Variants in ATP2A1 observed in about 807,000 individuals in gnomAD.
The protein encoded by ATP2A1 is ATPase sarcoplasmic/endoplasmic reticulum Ca2+ transporting 1.
A neutral mutation model predicts 109.5 loss-of-function variants in ATP2A1; 83 were observed. The ratio of observed to expected loss-of-function variants is 0.76; its 90% confidence interval spans 0.63 to 0.91. The LOEUF is 0.91. Ranked by LOEUF, ATP2A1 falls within the 40% of genes least tolerant of loss-of-function variation. The pLI, the probability that ATP2A1 is intolerant of heterozygous loss-of-function variation, is 0.00. For synonymous variants in ATP2A1, 505 were observed against 537.6 expected, an observed-to-expected ratio of 0.94 and a Z score of 0.84; for missense variants, 1,101 against 1,341.0, an observed-to-expected ratio of 0.82 and a Z score of 2.80.
chr16:28,902,209 C>T lies in ATP2A1; in HGVS notation c.2347C>T (p.Leu783=). The T allele has an allele frequency of 2.5e-6, 4 of 1,614,156 alleles. No homozygotes were observed. The highest frequency in any genetic ancestry group is 3.4e-6 in the Non-Finnish European group (4 of 1,180,018). Residue 783 remains leucine (L), a synonymous_variant, in exon 17 of 23, where the codon CTG becomes TTG. Transcript: ENST00000395503. This position sits in a 1 kb window ranked among gnomAD's most constrained non-coding sequence, Gnocchi z 4.8. Reference sequence around the variant, plus strand: ...TATCTTCCTGACCGCTGCCCTGGGGCTGCCTGAGGCCCTGATCCCGGTGCA... The same window carrying T: ...TATCTTCCTGACCGCTGCCCTGGGGTTGCCTGAGGCCCTGATCCCGGTGCA... The part of the protein sequence containing the change: ...VCIFLTAALG[L]PEALIPVQLL...
intron 2 of ATP2A1, 57 bp downstream of exon 2, chr16:28,879,173 C>T (rs1216004456): frequency 2.6e-6 from 4 of 1,555,912 alleles, no homozygotes; most frequent in Non-Finnish European, 3.5e-6. Context: ...CCCGCCCTGT[C>T]CCACTCCCTC....
chr16:28,901,764 C>T (rs909501296), intron 15 of ATP2A1, 99 bp from the exon 16 acceptor site: 1 of 1,103,812 alleles, frequency 9.1e-7, no homozygotes, highest in Non-Finnish European at 1.3e-6. Context: ...CAAGACCAGC[C>T]TGGGCAACAG....
chr16:28,890,292 CAAA>C (rs767608802), intron 9 of ATP2A1, among the ~76,000 whole-genome samples: 4 of 74,380 alleles, frequency 5.4e-5, no homozygotes, highest in Non-Finnish European at 5.6e-5. Flanking sequence ...CCGTCTCTAC[CAAA>C]AAAAAAAAAA....
rs566533506 is a variant in ATP2A1 at position 28,881,942 on chromosome 16, A to G, written c.325-509A>G. ...TCTGATTTTCTTTGATTTTTTATTT[A>G]GATTTTTCTTTTTGAGACAGGGTCT... On this transcript the variant is annotated intron_variant, in intron 4 of 22. Transcript: ENST00000395503. Among the ~76,000 whole-genome samples, 32 of 151,720 alleles carry G rather than the reference A, an allele frequency of 2.1e-4. No homozygotes were observed. The East Asian group carries it at 6.2e-3, about 30-fold the overall frequency.
chr16:28,891,547 G>C lies in ATP2A1; in HGVS notation c.1095+2594G>C, dbSNP rs1457737937. On this transcript the variant is annotated intron_variant, in intron 9 of 22. Transcript: ENST00000395503. ...GGCAGAGGCGGTGAGCTGAGATCGTGCCATTGCACTCCAGCCTGGGCGACA... is the reference window on the plus strand; with the variant it reads ...GGCAGAGGCGGTGAGCTGAGATCGTCCCATTGCACTCCAGCCTGGGCGACA... Among the ~76,000 whole-genome samples, 3 of 141,758 alleles carry C rather than the reference G, an allele frequency of 2.1e-5. No homozygotes were observed. The East Asian group carries it at 6.2e-4, about 29-fold the overall frequency. 93.0% of individuals were successfully genotyped at this position (141,758 alleles called of 152,430 possible).
chr16:28,881,809 A>C (rs997073692), intron 4 of ATP2A1, among the ~76,000 whole-genome samples: 1 of 151,772 alleles, frequency 6.6e-6, no homozygotes, highest in Non-Finnish European at 1.5e-5. Flanking sequence ...CTCAAAAAAA[A>C]AAAAAAGAGA....
chr16:28,904,094 G>T (rs1964176573), intron 22 of ATP2A1, 86 bp from the exon 23 acceptor site: 2 of 1,264,470 alleles, frequency 1.6e-6, no homozygotes, highest in Non-Finnish European at 2.3e-6. Context: ...TGAGCCTCCA[G>T]GTAAGTGCGT....
intron 14 of ATP2A1, 126 bp from the exon 15 acceptor site, chr16:28,900,455 T>A: frequency 2.1e-6 from 2 of 930,468 alleles, no homozygotes; most frequent in South Asian, 1.8e-5. Context: ...AAGCCCAGGG[T>A]TCAGGCTTCC....
At chr16:28,900,007 G>A (rs184272014) in intron 14 of ATP2A1, among the ~76,000 whole-genome samples, 5 of 149,384 alleles carry the variant, frequency 3.3e-5, no homozygotes, top group Admixed American at 1.3e-4. Flanking sequence ...GGAAAGACAC[G>A]ATTTGGGCTG....
chr16:28,888,622 C>G (rs546778049), intron 8 of ATP2A1, among the ~76,000 whole-genome samples, 165 bp from the exon 9 acceptor site: 7 of 152,020 alleles, frequency 4.6e-5, no homozygotes, highest in African/African-American at 1.4e-4. Flanking sequence ...CCAGGCTGGT[C>G]TCAAACTCCT....
chr16:28,892,458 T>C, intron 9 of ATP2A1: 1 of 226,914 alleles, frequency 4.4e-6, no homozygotes, highest in South Asian at 4.4e-5. Context: ...CCTTGGCTCC[T>C]GGGCGAGACC....
chr16:28,887,170 C>G lies in ATP2A1; in HGVS notation c.545-19C>G. 2 of 1,613,308 alleles carry G rather than the reference C, an allele frequency of 1.2e-6. No homozygotes were observed. Among genetic ancestry groups the G allele is most frequent in the Non-Finnish European group, 1.7e-6 (2 of 1,179,446 alleles). On this transcript the variant is annotated intron_variant, in intron 6 of 22. Transcript: ENST00000395503. ...AGGACATGATGTCATCCGAAAACCCCTTGGCCCCTTCTCCACAGGCGAGTC... is the reference window on the plus strand; with the variant it reads ...AGGACATGATGTCATCCGAAAACCCGTTGGCCCCTTCTCCACAGGCGAGTC...
chr16:28,882,670 G>T lies in ATP2A1; in HGVS notation c.463+81G>T. ...AGATGCCGGGGGCTGGTCAGGCTCG[G>T]ATCCAGGTGTCCAGGAGGATGACGG... On this transcript the variant is annotated intron_variant, in intron 5 of 22. Coordinates refer to ENST00000395503, the MANE Select transcript of ATP2A1 (RefSeq NM_004320.6). The T allele has an allele frequency of 2.5e-6, 4 of 1,575,372 alleles. No homozygotes were observed. In the South Asian group the frequency reaches 4.6e-5, roughly 18 times the overall value.
Position 28,903,692 on chromosome 16 carries a change from G to A in ATP2A1, c.2981-8G>A, listed in dbSNP as rs1238381282. 6.2e-7 allele frequency: 1 copy of A among 1,612,556 alleles called. No individual in the cohort carries two copies. The highest frequency in any genetic ancestry group is 1.7e-5 in the Admixed American group (1 of 59,948). On this transcript the variant is annotated splice_region_variant and splice_polypyrimidine_tract_variant and intron_variant, in intron 21 of 22. Coordinates refer to ENST00000395503, the MANE Select transcript of ATP2A1 (RefSeq NM_004320.6). This position sits in a 1 kb window ranked among gnomAD's most constrained non-coding sequence, Gnocchi z 5.6. ...GATAACAGTGCCTCTTGTCCTCTCTGGCCATAGGATAACTGTTCCCCCTCC... is the reference window on the plus strand; with the variant it reads ...GATAACAGTGCCTCTTGTCCTCTCTAGCCATAGGATAACTGTTCCCCCTCC...
At chr16:28,893,742 C>T (rs769987388) in intron 9 of ATP2A1, among the ~76,000 whole-genome samples, 20 of 151,068 alleles carry the variant, frequency 1.3e-4, no homozygotes, top group Non-Finnish European at 2.5e-4. Flanking sequence ...CTCTGCCTCC[C>T]AGGTTCAAGC....
chr16:28,882,379 C>G, intron 4 of ATP2A1, 72 bp from the exon 5 acceptor site: 1 of 1,607,598 alleles, frequency 6.2e-7, no homozygotes, highest in East Asian at 2.2e-5. Context: ...TTGCCTCCCC[C>G]GTGCCAGGAG....
chr16:28,891,077 C>T (rs1334031783), intron 9 of ATP2A1, among the ~76,000 whole-genome samples: 1 of 152,072 alleles, frequency 6.6e-6, no homozygotes, highest in Non-Finnish European at 1.5e-5. Flanking sequence ...GGGTGGATCA[C>T]CTGAGGTCAG....
Position 28,900,849 on chromosome 16 carries a change from G to A in ATP2A1, c.2033G>A (p.Arg678His), listed in dbSNP as rs746001213. The A allele has an allele frequency of 1.3e-5, 21 of 1,614,094 alleles. No individual in the cohort carries two copies. Among genetic ancestry groups the A allele is most frequent in the East Asian group, 6.7e-5 (3 of 44,898 alleles). ...EACRRACCFA[R>H]VEPSHKSKIV... The stretch of plus-strand genomic sequence containing the variant: ...TGCCGACGTGCCTGCTGCTTCGCCC[G>A]TGTGGAGCCCTCGCACAAGTCCAAG... The change falls in exon 15 of 23, where the codon CGT (arginine) becomes CAT (histidine). Residue 678 changes from arginine (R) to histidine (H), a missense_variant. Transcript: ENST00000395503.
At chr16:28,879,282 G>A (rs948700051) in intron 2 of ATP2A1, 166 bp downstream of exon 2, 4 of 995,682 alleles carry the variant, frequency 4.0e-6, no homozygotes, top group African/African-American at 3.2e-5. Flanking sequence ...AAGTCTCCCA[G>A]GCGCTTTCTC....
Sources: gnomAD v4.1 joint callset for allele counts (sites outside exome capture counted in the v4.1 genomes callset) on GRCh38, gnomAD v4.1.1 for gene constraint, Gnocchi (gnomAD v3.1) non-coding constraint, MANE v1.5 for transcripts, NCBI Gene and HGNC (gene_info 2026-07-23, HGNC 2026-07-21) for gene names.